SH3GL3: variants seen among roughly 807,000 people sequenced by gnomAD.
SH3GL3 encodes the protein SH3 domain containing GRB2 like 3, endophilin A3.
Under a neutral mutation model 47.7 loss-of-function variants are expected in SH3GL3, and 33 were observed. The ratio of observed to expected loss-of-function variants is 0.69; its 90% CI spans 0.52 to 0.92. The LOEUF is 0.92. SH3GL3 is among the 40% of genes least tolerant of loss of function. The probability of loss-of-function intolerance (pLI) is 0.00; values close to 1 mark genes in which losing one functional copy is unlikely to be tolerated. For missense variants in SH3GL3, 363 were observed against 417.8 expected (o/e 0.87, Z 1.14); for synonymous variants, 155 against 148.8 (o/e 1.04, Z -0.30).
chr15:83,528,358 G>A (rs2043516701), intron 1 of SH3GL3, among the ~76,000 whole-genome samples: 1 of 152,120 alleles, frequency 6.6e-6, no homozygotes, highest in South Asian at 2.1e-4. Flanking sequence ...GACTTGGGAA[G>A]TTTTCAGCTG....
intron 1 of SH3GL3, among the ~76,000 whole-genome samples, chr15:83,466,557 G>C (rs1456605810): frequency 6.6e-6 from 1 of 152,146 alleles, no homozygotes; most frequent in Non-Finnish European, 1.5e-5. Context: ...CCAGAGGAAA[G>C]GTACTACTTT....
intron 1 of SH3GL3, among the ~76,000 whole-genome samples, chr15:83,466,864 C>A (rs1274149854): frequency 6.6e-6 from 1 of 152,168 alleles, no homozygotes; most frequent in Non-Finnish European, 1.5e-5. Flanking sequence ...TGGAAAATGT[C>A]TGTTCATATC....
chr15:83,574,893 T>C (rs1391119575), intron 5 of SH3GL3, among the ~76,000 whole-genome samples: 1 of 152,254 alleles, frequency 6.6e-6, no homozygotes, highest in East Asian at 1.9e-4. Flanking sequence ...GTTCTTTCGC[T>C]AGACTTCGTG....
At chr15:83,482,787 C>T (rs191204522) in intron 1 of SH3GL3, among the ~76,000 whole-genome samples, 6 of 152,240 alleles carry the variant, frequency 3.9e-5, no homozygotes, top group African/African-American at 4.8e-5. Context: ...GCACCGCGCT[C>T]GGCTGAGCCT....
rs916669174 is a variant in SH3GL3, at chr15:83,459,379, A to G, written c.45+11801A>G. Among the ~76,000 whole-genome samples the G allele has an allele frequency of 3.3e-5, 5 of 152,208 alleles. No homozygotes were observed. The East Asian group carries it at 9.6e-4, about 29-fold the overall frequency. On this transcript the variant is annotated intron_variant, in intron 1 of 8. Transcript: ENST00000427482. ...GTTGACACTCAACGTTAGCCATCAC[A>G]CTAGGGTTTAAGAAAATGATGGCAG... is the stretch of plus-strand genomic sequence containing the variant.
intron 1 of SH3GL3, among the ~76,000 whole-genome samples, chr15:83,530,462 C>T (rs1288167897): frequency 1.3e-5 from 2 of 152,142 alleles, no homozygotes; most frequent in Non-Finnish European, 1.5e-5. Context: ...TGTTTCCTGT[C>T]ACTTCTCTGC....
At chr15:83,462,721 A>G (rs1311693028) in intron 1 of SH3GL3, among the ~76,000 whole-genome samples, 1 of 152,234 alleles carries the variant, frequency 6.6e-6, no homozygotes, top group African/African-American at 2.4e-5. Context: ...TAATAGAGTA[A>G]TGTTTGTCTA....
At chr15:83,570,909 T>C (rs541840182) in intron 4 of SH3GL3, among the ~76,000 whole-genome samples, 1 of 152,340 alleles carries the variant, frequency 6.6e-6, no homozygotes, top group Non-Finnish European at 1.5e-5. Flanking sequence ...CAGGCAGGCC[T>C]TGAAATCCAA....
At chr15:83,546,574 T>C (rs954563135) in intron 1 of SH3GL3, among the ~76,000 whole-genome samples, 7 of 152,014 alleles carry the variant, frequency 4.6e-5, no homozygotes, top group African/African-American at 1.4e-4. Flanking sequence ...TTTTTACACT[T>C]CCCTTTCCTT....
intron 1 of SH3GL3, among the ~76,000 whole-genome samples, chr15:83,526,714 A>G (rs1284326191): frequency 6.6e-6 from 1 of 152,144 alleles, no homozygotes; most frequent in Non-Finnish European, 1.5e-5. Context: ...ACTAATGGGT[A>G]CTAGGCTTAA....
chr15:83,522,001 G>C (rs1339976968), intron 1 of SH3GL3, among the ~76,000 whole-genome samples: 1 of 152,128 alleles, frequency 6.6e-6, no homozygotes, highest in Non-Finnish European at 1.5e-5. Flanking sequence ...ATGTCGGGGA[G>C]AGGACACAGA....
chr15:83,492,176 G>C (rs1207363533), intron 1 of SH3GL3, among the ~76,000 whole-genome samples: 1 of 151,152 alleles, frequency 6.6e-6, no homozygotes, highest in Non-Finnish European at 1.5e-5. Flanking sequence ...CCAGCTACTC[G>C]GGAGGCTGAG....
intron 6 of SH3GL3, among the ~76,000 whole-genome samples, chr15:83,584,585 A>G (rs1237729862): frequency 2.0e-5 from 3 of 152,074 alleles, no homozygotes; most frequent in African/African-American, 7.2e-5. Flanking sequence ...TCTAACCTAC[A>G]TGGAAGTCAG....
At chr15:83,627,410 A>AG in the SH3GL3 span, among the ~76,000 whole-genome samples, 1 of 151,932 alleles carries the variant, frequency 6.6e-6, no homozygotes, top group Admixed American at 6.6e-5. Context: ...AAAAAAAAAA[A>AG]AAAGAAAAGA....
At chr15:83,470,487 A>G (rs965811437) in intron 1 of SH3GL3, among the ~76,000 whole-genome samples, 3 of 152,188 alleles carry the variant, frequency 2.0e-5, no homozygotes, top group Admixed American at 1.3e-4. Context: ...TTGGCCTCTC[A>G]AAGTGCTGGG....
Position 83,474,125 on chromosome 15 carries a change from C to T in SH3GL3, c.45+26547C>T, listed in dbSNP as rs184423145. Among the ~76,000 whole-genome samples, 23 of 152,266 alleles carry T rather than the reference C, an allele frequency of 1.5e-4. No homozygotes were observed. In the East Asian group the frequency reaches 3.7e-3, roughly 24 times the overall value. ...CCCCATCATCCCTGAAGCAGAAGTCCTCTGTGCTACCCAATTTTAAATCCC... is the reference window on the plus strand; with the variant it reads ...CCCCATCATCCCTGAAGCAGAAGTCTTCTGTGCTACCCAATTTTAAATCCC... On this transcript the variant is annotated intron_variant, in intron 1 of 8. Coordinates refer to ENST00000427482, the MANE Select transcript of SH3GL3 (RefSeq NM_003027.5).
At chr15:83,493,790 A>G (rs961397925) in intron 1 of SH3GL3, among the ~76,000 whole-genome samples, 1 of 152,212 alleles carries the variant, frequency 6.6e-6, no homozygotes, top group Non-Finnish European at 1.5e-5. Context: ...GTGAGCCTGG[A>G]GACAGAGGTC....
chr15:83,504,377 C>T (rs923673155), intron 1 of SH3GL3, among the ~76,000 whole-genome samples: 1 of 152,206 alleles, frequency 6.6e-6, no homozygotes, highest in South Asian at 2.1e-4. Flanking sequence ...GTGATTCTCT[C>T]CTTCTGGTCT....
At chr15:83,453,525 T>C (rs2039879901) in intron 1 of SH3GL3, among the ~76,000 whole-genome samples, 2 of 150,282 alleles carry the variant, frequency 1.3e-5, no homozygotes, top group African/African-American at 4.9e-5. Context: ...TTCTTCCTGG[T>C]TTAGTCTTGG....
Sources: allele counts gnomAD v4.1 joint callset (sites outside exome capture counted in the v4.1 genomes callset), GRCh38; gene constraint gnomAD v4.1.1; transcripts MANE v1.5; gene names NCBI Gene and HGNC (gene_info 2026-07-23, HGNC 2026-07-21).